The following EYA1 variants were observed in gnomAD, a reference collection of about 807,000 sequenced individuals.
EYA1 encodes the protein protein phosphatase EYA1.
In EYA1, 16 loss-of-function variants were observed where a neutral mutation model predicts 82.0. That is an observed-to-expected ratio of 0.20 (90% CI 0.13 to 0.30). The LOEUF (loss-of-function observed/expected upper bound fraction) is 0.30. Ranked by LOEUF, EYA1 falls within the 10% of genes least tolerant of loss-of-function variation. The probability of loss-of-function intolerance (pLI) is 1.00; values close to 1 mark genes in which losing one functional copy is unlikely to be tolerated. For synonymous variants in EYA1, 261 were observed against 264.4 expected (o/e 0.99, Z 0.12); for missense variants, 633 against 730.7 (o/e 0.87, Z 1.54).
chr8:71,322,482 A>G (rs1369111374), intron 4 of EYA1: 2 of 565,606 alleles, frequency 3.5e-6, no homozygotes, highest in South Asian at 2.0e-5. Context: ...TAAGGGCTCT[A>G]GTTTTAAATG....
intron 4 of EYA1, among the ~76,000 whole-genome samples, chr8:71,332,850 G>A (rs929433071): frequency 2.0e-5 from 3 of 152,174 alleles, no homozygotes; most frequent in South Asian, 2.1e-4. Flanking sequence ...AAAGATCCAC[G>A]CCCTCTGTGC....
At position 71,380,613 on chromosome 8, in the gene EYA1, C is replaced by T. The variant is rs543991471; in HGVS notation, c.34-24102G>A. Among the ~76,000 whole-genome samples the T allele has an allele frequency of 5.5e-4, 84 of 152,274 alleles. 1 individual carries two copies. The highest frequency in any genetic ancestry group is 2.0e-3 in the African/African-American group (84 of 41,572). Reference sequence around the variant, plus strand: ...TGCTCCCTGGCCTGGAATGTCCAGCCCCTACTGTCTTTCAAAGTTTAACTT... The same window carrying T: ...TGCTCCCTGGCCTGGAATGTCCAGCTCCTACTGTCTTTCAAAGTTTAACTT... On this transcript the variant is annotated intron_variant, in intron 2 of 18. Coordinates refer to the EYA1 transcript ENST00000643681.
At chr8:71,439,862 C>G (rs1353068048) in intron 2 of EYA1, among the ~76,000 whole-genome samples, 1 of 152,188 alleles carries the variant, frequency 6.6e-6, no homozygotes, top group Admixed American at 6.5e-5. Flanking sequence ...TGAACACACA[C>G]AGACTACAGG....
intron 16 of EYA1, among the ~76,000 whole-genome samples, chr8:71,214,831 T>C (rs2128847917): frequency 6.6e-6 from 1 of 152,334 alleles, no homozygotes; most frequent in Admixed American, 6.5e-5. Flanking sequence ...GCCATGTCTT[T>C]TTATTCCTAT....
At chr8:71,264,374 T>G (rs1815514236) in intron 11 of EYA1, among the ~76,000 whole-genome samples, 1 of 152,136 alleles carries the variant, frequency 6.6e-6, no homozygotes, top group Non-Finnish European at 1.5e-5. Context: ...TACTGAATGA[T>G]CACAGAAACA....
chr8:71,529,863 T>C (rs184352362), intron 2 of EYA1: 1 of 152,318 alleles, frequency 6.6e-6, no homozygotes, highest in East Asian at 1.9e-4. Context: ...CTTAAGACTT[T>C]CCTTTTGTTT....
At chr8:71,206,376 T>C (rs1431590846) in intron 17 of EYA1, among the ~76,000 whole-genome samples, 1 of 151,978 alleles carries the variant, frequency 6.6e-6, no homozygotes, top group Non-Finnish European at 1.5e-5. Context: ...GCAGCACCAC[T>C]ATGCTGGGCT....
At chr8:71,326,536 C>T (rs1823171293) in intron 4 of EYA1, among the ~76,000 whole-genome samples, 1 of 152,170 alleles carries the variant, frequency 6.6e-6, no homozygotes, top group Admixed American at 6.5e-5. Context: ...GCAATCCATC[C>T]ATGCCATGCA....
intron 7 of EYA1, among the ~76,000 whole-genome samples, chr8:71,300,050 A>G (rs1820034855): frequency 6.6e-6 from 1 of 152,222 alleles, no homozygotes; most frequent in African/African-American, 2.4e-5. Context: ...TTAAATTCAC[A>G]TAATGTAAAA....
intron 2 of EYA1, among the ~76,000 whole-genome samples, chr8:71,521,672 A>G (rs994825022): frequency 3.3e-5 from 5 of 152,188 alleles, no homozygotes; most frequent in Admixed American, 3.3e-4. Flanking sequence ...AAATCTAAAC[A>G]TACTTCTTTT....
At chr8:71,535,662 G>A in intron 2 of EYA1, 1 of 1,011,562 alleles carries the variant, frequency 9.9e-7, no homozygotes, top group Non-Finnish European at 1.4e-6. Context: ...CAATCTTCCA[G>A]ATACTCGGGT....
chr8:71,389,323 T>C (rs892706762), intron 2 of EYA1, among the ~76,000 whole-genome samples: 17 of 152,184 alleles, frequency 1.1e-4, no homozygotes, highest in Non-Finnish European at 2.5e-4. Flanking sequence ...TTTATATTGC[T>C]AAATCCTGCT....
intron 12 of EYA1, among the ~76,000 whole-genome samples, chr8:71,229,562 G>C (rs951070781): frequency 6.6e-6 from 1 of 152,124 alleles, no homozygotes; most frequent in Non-Finnish European, 1.5e-5. Flanking sequence ...TGATTGACAG[G>C]ATTTGATTAT....
intron 2 of EYA1, among the ~76,000 whole-genome samples, chr8:71,435,931 G>A (rs1221500248): frequency 1.3e-5 from 2 of 152,070 alleles, no homozygotes; most frequent in Non-Finnish European, 2.9e-5. Flanking sequence ...TGAACATGAT[G>A]AATTTTAAAG....
At chr8:71,450,671 G>A (rs1260626750) in intron 2 of EYA1, among the ~76,000 whole-genome samples, 5 of 152,182 alleles carry the variant, frequency 3.3e-5, no homozygotes, top group Non-Finnish European at 7.3e-5. Flanking sequence ...CTTGAGGCAG[G>A]CTTGCCACAA....
Position 71,321,725 on chromosome 8 carries a change from G to A in EYA1, c.418+9C>T, listed in dbSNP as rs1586352673. 1 of 1,613,684 alleles carries A rather than the reference G, an allele frequency of 6.2e-7. No individual in the cohort carries two copies. The highest frequency in any genetic ancestry group is 1.3e-5 in the African/African-American group (1 of 74,924). ...GATAACGCCACCACTACAGTTGCAG[G>A]TTACTCACCATATGAGGAAATGCCG... On this transcript the variant is annotated intron_variant, in intron 6 of 17. Transcript: ENST00000340726.
chr8:71,448,025 T>TTTTTTTTTTTTTTTAGGTAATGGAG (rs935912194), intron 2 of EYA1, among the ~76,000 whole-genome samples: 1 of 116,736 alleles, frequency 8.6e-6, no homozygotes, highest in African/African-American at 3.4e-5. Context: ...TTTTTTTTTT[T>TTTTTTTTTTTTTTTAGGTAATGGAG]TCTCGCTCCG....
chr8:71,228,672 G>A (rs866293812), intron 12 of EYA1, among the ~76,000 whole-genome samples: 4 of 152,080 alleles, frequency 2.6e-5, no homozygotes, highest in Admixed American at 2.0e-4. Context: ...ACATGTTCTC[G>A]ATTCTTTCAT....
intron 2 of EYA1, among the ~76,000 whole-genome samples, chr8:71,456,373 C>T (rs1807912199): frequency 6.6e-6 from 1 of 152,160 alleles, no homozygotes; most frequent in African/African-American, 2.4e-5. Flanking sequence ...ATCAAGCTAC[C>T]AATGACTTTC....
Sources: allele counts gnomAD v4.1 joint callset (sites outside exome capture counted in the v4.1 genomes callset), GRCh38; gene constraint gnomAD v4.1.1; transcripts MANE v1.5; gene names NCBI Gene and HGNC (gene_info 2026-07-23, HGNC 2026-07-21).